The following CXXC1 variants were observed in gnomAD, a reference collection of about 807,000 sequenced individuals.
The protein encoded by CXXC1 is CXXC finger protein 1, also known as CXXC-type zinc finger protein 1.
CXXC1 carries 21 observed loss-of-function variants against 83.6 expected under a neutral mutation model. The observed-to-expected ratio is 0.25, with a 90% CI of 0.18 to 0.36. The LOEUF (loss-of-function observed/expected upper bound fraction) is 0.36. CXXC1 is among the 10% of genes least tolerant of loss of function. The pLI is 1.00. For synonymous variants in CXXC1, 371 were observed against 337.5 expected, an observed-to-expected ratio of 1.10 and a Z score of -1.09; for missense variants, 688 against 919.5, an observed-to-expected ratio of 0.75 and a Z score of 3.26.
intron 9 of CXXC1, 81 bp from the exon 10 acceptor site, chr18:50,284,182 G>A (rs1409216290): frequency 1.1e-5 from 17 of 1,510,212 alleles, no homozygotes; most frequent in Admixed American, 1.7e-5. Context: ...ATGGCAAAAG[G>A]AGAAGTAAAT....
At chr18:50,287,243 G>C (rs1327610896) in intron 1 of CXXC1, 6 of 500,946 alleles carry the variant, frequency 1.2e-5, no homozygotes, top group African/African-American at 1.2e-4. Context: ...CCCCAGTCGC[G>C]GCTGTCCACG....
chr18:50,285,964 C>T lies in CXXC1; in HGVS notation c.460-36G>A. 6.2e-7 allele frequency: 1 copy of T among 1,613,856 alleles called. No homozygotes were observed. Among genetic ancestry groups the T allele is most frequent in the South Asian group, 1.1e-5 (1 of 91,076 alleles). On this transcript the variant is annotated intron_variant, in intron 4 of 14. Transcript: ENST00000285106. The surrounding 1 kb of genome is among the most constrained non-coding windows in gnomAD (Gnocchi z 4.4). ...GGGCCCAGAACAGAAATCATGGACC[C>T]AGGCAGGGCTGAAACGGAACCACTT...
chr18:50,282,545 G>A lies in CXXC1; in HGVS notation c.*48C>T, dbSNP rs775520615. On this transcript the variant is annotated 3_prime_UTR_variant, in exon 15 of 15. Transcript: ENST00000285106. This position sits in a 1 kb window ranked among gnomAD's most constrained non-coding sequence, Gnocchi z 5.8. ...AGGAACGGACACACGGGCACCGGGC[G>A]GCTCCCCCATCTGGAATGCAGGGTG... is the stretch of plus-strand genomic sequence containing the variant. The A allele has an allele frequency of 1.3e-6, 2 of 1,594,438 alleles. No homozygotes were observed. Among genetic ancestry groups the A allele is most frequent in the Non-Finnish European group, 1.7e-6 (2 of 1,175,786 alleles).
Position 50,286,074 on chromosome 18 carries a change from G to C in CXXC1, c.407C>G (p.Ser136Cys), listed in dbSNP as rs770995997. ...TGVGAMLARG[S>C]ASPHKSSPQP... ...CGGAGAGGATTTGTGGGGCGAAGCA[G>C]AGCCCCGAGCAAGCATGGCCCCAAC... Residue 136 changes from serine to cysteine, a missense_variant, in exon 4 of 15, where the codon TCT becomes TGT. This residue lies in a region of CXXC1 where 142 missense variants were observed against 150.7 expected (regional missense o/e 0.94). Coordinates refer to ENST00000285106, the MANE Select transcript of CXXC1 (RefSeq NM_014593.4). 2 of 1,613,958 alleles carry C rather than the reference G, an allele frequency of 1.2e-6. No individual in the cohort carries two copies. Among genetic ancestry groups the C allele is most frequent in the Non-Finnish European group, 1.7e-6 (2 of 1,179,958 alleles).
At chr18:50,284,905 C>T in intron 7 of CXXC1, 66 bp from the exon 8 acceptor site, 1 of 1,612,682 alleles carries the variant, frequency 6.2e-7, no homozygotes. Flanking sequence ...TACTCATGTC[C>T]CATATCAGCC....
In CXXC1 at chr18:50,287,633, C is replaced by T. The variant is rs765608268; in HGVS notation, c.-44G>A. On this transcript the variant is annotated 5_prime_UTR_variant, in exon 1 of 15. Transcript: ENST00000285106. ...CTCCCTCACGACCCCCGCCAGCGAC[C>T]CGCGAACCTGCACAGACCACTCGGC... 6.2e-7 allele frequency: 1 copy of T among 1,608,380 alleles called. No homozygotes were observed. The highest frequency in any genetic ancestry group is 1.7e-5 in the Admixed American group (1 of 59,950).
Position 50,282,700 on chromosome 18 carries a change from C to T in CXXC1, c.1864G>A (p.Val622Met), listed in dbSNP as rs141174485. The T allele has an allele frequency of 6.2e-7, 1 of 1,613,822 alleles. No individual in the cohort carries two copies. The highest frequency in any genetic ancestry group is 8.5e-7 in the Non-Finnish European group (1 of 1,180,042). Residue 622 changes from valine to methionine, a missense_variant, in exon 15 of 15, where the codon GTG (valine) becomes ATG (methionine). Val to Met is a conservative substitution (Grantham distance 21). Around this residue, in one of 9 missense-constraint regions of CXXC1, gnomAD observed 114 missense variants for 173.3 expected, o/e 0.66. Coordinates refer to ENST00000285106, the MANE Select transcript of CXXC1 (RefSeq NM_014593.4). The surrounding 1 kb of genome is among the most constrained non-coding windows in gnomAD (Gnocchi z 5.8). ...LDELFEQERN[V>M]RTAMTNRAGL... ...GCGCGGTTTGTCATGGCTGTGCGCA[C>T]ATTGCGCTCCTGCTCAAACAGCTCG...
Position 50,286,646 on chromosome 18 carries a change from A to C in CXXC1, c.123-7T>G. 1 of 1,613,736 alleles carries C rather than the reference A, an allele frequency of 6.2e-7. No individual in the cohort carries two copies. The highest frequency in any genetic ancestry group is 8.5e-7 in the Non-Finnish European group (1 of 1,179,622). Reference sequence around the variant, plus strand: ...ATTGCAGTTGTCACACCCGCTGCAGAGGATGGGGCAGGCGATGGAGATGTG... The same window carrying C: ...ATTGCAGTTGTCACACCCGCTGCAGCGGATGGGGCAGGCGATGGAGATGTG... On this transcript the variant is annotated splice_region_variant and splice_polypyrimidine_tract_variant and intron_variant, in intron 2 of 14. Transcript: ENST00000285106.
At chr18:50,286,975 G>C (rs1599676620) in intron 1 of CXXC1, 117 bp from the exon 2 acceptor site, 4 of 760,924 alleles carry the variant, frequency 5.3e-6, no homozygotes, top group Non-Finnish European at 9.0e-6. Context: ...ATTTCACATC[G>C]GGGCCCCCAA....
At chr18:50,286,294 C>T (rs758359223) in intron 3 of CXXC1, 37 bp from the exon 4 acceptor site, 2 of 1,542,324 alleles carry the variant, frequency 1.3e-6, no homozygotes, top group Admixed American at 3.6e-5. Context: ...TGAGTGAGCA[C>T]TGGATGGCTT....
At chr18:50,283,244 G>T (rs1019422605) in intron 13 of CXXC1, 21 bp downstream of exon 13, 4 of 1,599,758 alleles carry the variant, frequency 2.5e-6, no homozygotes, top group Admixed American at 3.3e-5. Context: ...CAAAATGGGA[G>T]GAGCTGAGGG....
Position 50,287,665 on chromosome 18 carries a change from C to G in CXXC1, c.-76G>C. ...CCTGCACAGACCACTCGGCGGCGTC[C>G]CAGGCGGTTGCAAAGGCGCCCACAA... On this transcript the variant is annotated 5_prime_UTR_variant, in exon 1 of 15. Transcript: ENST00000285106. 1 of 1,591,116 alleles carries G rather than the reference C, an allele frequency of 6.3e-7. No individual in the cohort carries two copies. The highest frequency in any genetic ancestry group is 8.5e-7 in the Non-Finnish European group (1 of 1,171,558).
intron 13 of CXXC1, 32 bp from the exon 14 acceptor site, chr18:50,283,038 G>A: frequency 6.2e-7 from 1 of 1,611,514 alleles, no homozygotes; most frequent in Non-Finnish European, 8.5e-7. Context: ...GGGATGAATA[G>A]CGGTGATAAG....
In CXXC1 at chr18:50,284,069, T is replaced by A; in HGVS notation, c.1238A>T (p.Gln413Leu). 1 of 1,609,504 alleles carries A rather than the reference T, an allele frequency of 6.2e-7. No homozygotes were observed. Among genetic ancestry groups the A allele is most frequent in the Non-Finnish European group, 8.5e-7 (1 of 1,179,436 alleles). ...AATGCAAGGGCTCTGCTGCCACTGC[T>A]GGATGCGCTGGGGGAGGATCTCGTA... ...RIYEILPQRI[Q>L]QWQQSPCIAE... The change falls in exon 10 of 15, where the codon CAG becomes CTG. Residue 413 changes from glutamine (Q) to leucine (L), a missense_variant. By Grantham distance (113) the Gln-to-Leu change is moderately radical. Transcript: ENST00000285106.
chr18:50,287,629 C>G lies in CXXC1; in HGVS notation c.-40G>C. ...CGCACTCCCTCACGACCCCCGCCAGCGACCCGCGAACCTGCACAGACCACT... is the reference window on the plus strand; with the variant it reads ...CGCACTCCCTCACGACCCCCGCCAGGGACCCGCGAACCTGCACAGACCACT... On this transcript the variant is annotated 5_prime_UTR_variant, in exon 1 of 15. Coordinates refer to ENST00000285106, the MANE Select transcript of CXXC1 (RefSeq NM_014593.4). 1 of 1,608,720 alleles carries G rather than the reference C, an allele frequency of 6.2e-7. No individual in the cohort carries two copies. Among genetic ancestry groups the G allele is most frequent in the Non-Finnish European group, 8.5e-7 (1 of 1,179,718 alleles).
At chr18:50,284,260 G>T in intron 9 of CXXC1, 118 bp downstream of exon 9, 2 of 1,477,130 alleles carry the variant, frequency 1.4e-6, no homozygotes, top group South Asian at 1.3e-5. Flanking sequence ...ATGGGTGAGT[G>T]GGTAGTGGCT....
chr18:50,286,015 C>G lies in CXXC1; in HGVS notation c.459+7G>C. On this transcript the variant is annotated splice_region_variant and intron_variant, in intron 4 of 14. Transcript: ENST00000285106. ...TACACATCCATTCACTTTATGCAGC[C>G]ACTCACCTGGCTGGGTGTGGCCACC... 1 of 1,613,756 alleles carries G rather than the reference C, an allele frequency of 6.2e-7. No individual in the cohort carries two copies. Among genetic ancestry groups the G allele is most frequent in the South Asian group, 1.1e-5 (1 of 91,076 alleles).
In CXXC1 at chr18:50,287,570, C is replaced by A. The variant is rs764426962; in HGVS notation, c.3+17G>T. On this transcript the variant is annotated intron_variant, in intron 1 of 14. Coordinates refer to ENST00000285106, the MANE Select transcript of CXXC1 (RefSeq NM_014593.4). ...CCGACCTCCACCGCCGAACCCCTCC[C>A]TGGACCCGCTACTTACCATATCTCC... 3 of 1,612,548 alleles carry A rather than the reference C, an allele frequency of 1.9e-6. No homozygotes were observed. Among genetic ancestry groups the A allele is most frequent in the Non-Finnish European group, 1.7e-6 (2 of 1,179,824 alleles).
In CXXC1 at chr18:50,283,073, G is replaced by A. The variant is rs549054918; in HGVS notation, c.1672-67C>T. 2,774 of 1,553,466 alleles carry A rather than the reference G, an allele frequency of 1.8e-3. 4 individuals carry two copies. Among genetic ancestry groups the A allele is most frequent in the Non-Finnish European group, 2.1e-3 (2,398 of 1,133,052 alleles). On this transcript the variant is annotated intron_variant, in intron 13 of 14. Coordinates refer to ENST00000285106, the MANE Select transcript of CXXC1 (RefSeq NM_014593.4). The stretch of plus-strand genomic sequence containing the variant: ...GGGAGAATAGGAATGGGGGCTCAAG[G>A]AGGGAGAAGGAAAAGAATGGAGGGT...
Sources: allele counts gnomAD v4.1 joint callset, GRCh38; gene constraint gnomAD v4.1.1; regional missense constraint gnomAD v4.1.1; non-coding constraint Gnocchi (gnomAD v3.1); transcripts MANE v1.5; gene names NCBI Gene and HGNC (gene_info 2026-07-23, HGNC 2026-07-21).